Variants in GPC5 observed in about 807,000 individuals in gnomAD.
GPC5 encodes glypican-5.
A neutral mutation model predicts 53.9 loss-of-function variants in GPC5; 47 were observed. The observed-to-expected ratio is 0.87, with a 90% CI of 0.69 to 1.11. The LOEUF is 1.11. GPC5 is among the 50% of genes most tolerant of loss of function. The probability of loss-of-function intolerance (pLI) is 0.00; values close to 1 mark genes in which losing one functional copy is unlikely to be tolerated. For synonymous variants in GPC5, 286 were observed against 263.3 expected (o/e 1.09, Z -0.84); for missense variants, 748 against 713.1 (o/e 1.05, Z -0.56).
chr13:92,221,631 G>C (rs1392945028), intron 7 of GPC5, among the ~76,000 whole-genome samples: 1 of 152,046 alleles, frequency 6.6e-6, no homozygotes, highest in Non-Finnish European at 1.5e-5. Context: ...AAACCCTAAA[G>C]TTCTGTCCAC....
At chr13:91,867,098 C>A (rs1296057838) in intron 5 of GPC5, among the ~76,000 whole-genome samples, 1 of 152,158 alleles carries the variant, frequency 6.6e-6, no homozygotes, top group Non-Finnish European at 1.5e-5. Context: ...GCCTGTAATC[C>A]CAGCTAGTCG....
Position 91,523,234 on chromosome 13 carries a change from C to A in GPC5, c.325+74312C>A, listed in dbSNP as rs535838068. The stretch of plus-strand genomic sequence containing the variant: ...ACTACCATATGATCCAGCAATCCAG[C>A]TGCTGGGCATATATCCAAAGGAGAT... On this transcript the variant is annotated intron_variant, in intron 2 of 7. Transcript: ENST00000377067. Among the ~76,000 whole-genome samples the A allele has an allele frequency of 3.9e-5, 6 of 152,260 alleles. No individual in the cohort carries two copies. The South Asian group carries it at 1.0e-3, about 26-fold the overall frequency.
chr13:92,226,745 C>A (rs1213755650), intron 7 of GPC5, among the ~76,000 whole-genome samples: 1 of 151,778 alleles, frequency 6.6e-6, no homozygotes, highest in Non-Finnish European at 1.5e-5. Flanking sequence ...ATTACAGGCG[C>A]TGGCCATCAC....
At chr13:92,658,948 A>G (rs1475054782) in intron 7 of GPC5, 4 of 24,010 alleles carry the variant, frequency 1.7e-4, no homozygotes, top group African/African-American at 3.0e-4. Flanking sequence ...TTTTTTTTTG[A>G]GACGGAGTCT....
intron 2 of GPC5, among the ~76,000 whole-genome samples, chr13:91,691,691 C>T (rs1048252689): frequency 2.0e-5 from 3 of 152,006 alleles, no homozygotes; most frequent in Admixed American, 6.6e-5. Context: ...CATGATATTG[C>T]GTTGTTATTT....
At chr13:91,730,797 G>A (rs553503178) in intron 4 of GPC5, among the ~76,000 whole-genome samples, 2 of 152,220 alleles carry the variant, frequency 1.3e-5, no homozygotes, top group South Asian at 4.2e-4. Flanking sequence ...GTATGTAAAG[G>A]AATCTAAAAA....
At chr13:91,713,795 C>T (rs1019152178) in intron 3 of GPC5, among the ~76,000 whole-genome samples, 4 of 152,192 alleles carry the variant, frequency 2.6e-5, no homozygotes, top group Non-Finnish European at 5.9e-5. Context: ...TTACCTCCCA[C>T]CAAATTTCCA....
At position 92,073,894 on chromosome 13, in the gene GPC5, C is replaced by A. The variant is rs868685358; in HGVS notation, c.1402-70936C>A. Among the ~76,000 whole-genome samples the A allele has an allele frequency of 2.0e-5, 3 of 152,168 alleles. No individual in the cohort carries two copies. In the East Asian group the frequency reaches 5.8e-4, roughly 29 times the overall value. On this transcript the variant is annotated intron_variant, in intron 6 of 7. Transcript: ENST00000377067. ...CATGGGGGCTGTTACTCCCATCCTG[C>A]TGTTCTTGTGATAGTGAGTTCTCAT...
chr13:92,505,065 TAA>T (rs1880320327), intron 7 of GPC5, among the ~76,000 whole-genome samples: 1 of 151,712 alleles, frequency 6.6e-6, no homozygotes, highest in African/African-American at 2.4e-5. Context: ...TTAGAGAGTC[TAA>T]AAGTCTCCTA....
At chr13:92,373,073 T>G (rs2043664425) in intron 7 of GPC5, among the ~76,000 whole-genome samples, 1 of 152,186 alleles carries the variant, frequency 6.6e-6, no homozygotes, top group East Asian at 1.9e-4. Context: ...GGCAGCTGTT[T>G]AAGTATATAT....
At chr13:92,754,183 T>C (rs1354976815) in intron 7 of GPC5, among the ~76,000 whole-genome samples, 6 of 152,234 alleles carry the variant, frequency 3.9e-5, no homozygotes, top group Admixed American at 2.6e-4. Context: ...TTCAACATTC[T>C]TAAAGACAAG....
intron 2 of GPC5, among the ~76,000 whole-genome samples, chr13:91,684,022 T>C (rs1010871088): frequency 1.3e-5 from 2 of 152,248 alleles, no homozygotes; most frequent in African/African-American, 2.4e-5. Flanking sequence ...TCAATTGTTA[T>C]TCCTCATCTC....
At chr13:91,942,813 A>G (rs2039940082) in intron 6 of GPC5, among the ~76,000 whole-genome samples, 1 of 152,126 alleles carries the variant, frequency 6.6e-6, no homozygotes, top group African/African-American at 2.4e-5. Flanking sequence ...CATCTGAAAC[A>G]TAGGCACTGA....
chr13:92,490,968 T>A (rs1448611150), intron 7 of GPC5, among the ~76,000 whole-genome samples: 3 of 151,936 alleles, frequency 2.0e-5, no homozygotes, highest in African/African-American at 7.2e-5. Context: ...ATGCAGGGGG[T>A]ACAGAATGAG....
chr13:92,084,878 T>C (rs1266859110), intron 6 of GPC5, among the ~76,000 whole-genome samples: 1 of 152,244 alleles, frequency 6.6e-6, no homozygotes, highest in Non-Finnish European at 1.5e-5. Context: ...TTAGACAGGA[T>C]AATTTAGACA....
At position 91,562,338 on chromosome 13, in the gene GPC5, G is replaced by A. The variant is rs1447597992; in HGVS notation, c.325+113416G>A. Among the ~76,000 whole-genome samples the A allele has an allele frequency of 3.3e-5, 5 of 151,968 alleles. 1 individual carries two copies. In the South Asian group the frequency reaches 8.3e-4, roughly 25 times the overall value. ...AGTACAGCATGAAAATTCATTCAAC[G>A]ATGTGTGTGCAGTCACCTTCATAAG... On this transcript the variant is annotated intron_variant, in intron 2 of 7. Coordinates refer to ENST00000377067, the MANE Select transcript of GPC5 (RefSeq NM_004466.6).
chr13:92,417,128 TAAAA>T (rs143891692), intron 7 of GPC5, among the ~76,000 whole-genome samples: 2 of 151,928 alleles, frequency 1.3e-5, no homozygotes, highest in African/African-American at 2.4e-5. Context: ...CATAGTAAAA[TAAAA>T]AAAATCATAA....
chr13:91,674,744 T>C (rs2035342336), intron 2 of GPC5, among the ~76,000 whole-genome samples: 1 of 150,222 alleles, frequency 6.7e-6, no homozygotes, highest in African/African-American at 2.4e-5. Flanking sequence ...TTACTGAACA[T>C]TTGGAGGTAG....
At chr13:91,985,164 CT>C (rs1350577159) in intron 6 of GPC5, among the ~76,000 whole-genome samples, 3 of 152,078 alleles carry the variant, frequency 2.0e-5, no homozygotes, top group Non-Finnish European at 4.4e-5. Context: ...TTTAGGATTA[CT>C]TTATGTTTTT....
Sources: gnomAD v4.1 joint callset for allele counts (sites outside exome capture counted in the v4.1 genomes callset) on GRCh38, gnomAD v4.1.1 for gene constraint, MANE v1.5 for transcripts, NCBI Gene and HGNC (gene_info 2026-07-23, HGNC 2026-07-21) for gene names.